STAT4: variants seen among roughly 807,000 people sequenced by gnomAD.
STAT4 encodes signal transducer and activator of transcription 4.
Under a neutral mutation model 110.5 loss-of-function variants are expected in STAT4, and 42 were observed. That is an observed-to-expected ratio of 0.38 (90% CI 0.30 to 0.49). The LOEUF (loss-of-function observed/expected upper bound fraction) is 0.49. STAT4 is among the 20% of genes least tolerant of loss of function. The probability of loss-of-function intolerance (pLI) is 0.95; values close to 1 mark genes in which losing one functional copy is unlikely to be tolerated. For synonymous variants in STAT4, 284 were observed against 302.2 expected, an observed-to-expected ratio of 0.94 and a Z score of 0.63; for missense variants, 632 against 887.9, an observed-to-expected ratio of 0.71 and a Z score of 3.66.
Position 191,030,802 on chromosome 2 carries a change from T to C in STAT4, c.2220+170A>G. 1 of 583,494 alleles carries C rather than the reference T, an allele frequency of 1.7e-6. No individual in the cohort carries two copies. 36.1% of individuals were successfully genotyped at this position (583,494 alleles called of 1,614,324 possible). On this transcript the variant is annotated intron_variant, in intron 23 of 23. Transcript: ENST00000392320. The surrounding 1 kb of genome is among the most constrained non-coding windows in gnomAD (Gnocchi z 4.4). The stretch of plus-strand genomic sequence containing the variant: ...GTGTCTGCTTTCAATACGCATAATA[T>C]CAGCAACACGCAGGACCATCCAGAC...
chr2:191,121,818 A>T (rs1475020054), intron 3 of STAT4: 2 of 151,404 alleles, frequency 1.3e-5, no homozygotes, highest in Non-Finnish European at 2.9e-5. Context: ...TAGGAGATAT[A>T]CCTAATGTAA....
chr2:191,113,205 C>G lies in STAT4; in HGVS notation c.273+33408G>C, dbSNP rs1228142473. Among the ~76,000 whole-genome samples the G allele has an allele frequency of 6.6e-6, 1 of 152,244 alleles. No individual in the cohort carries two copies. Among genetic ancestry groups the G allele is most frequent in the Non-Finnish European group, 1.5e-5 (1 of 68,036 alleles). ...GTGCTGGCAGACATTACTGGTGCCA[C>G]TCATTCATTTGTTCCACAAATTTGT... On this transcript the variant is annotated intron_variant, in intron 3 of 23. Coordinates refer to ENST00000392320, the MANE Select transcript of STAT4 (RefSeq NM_003151.4). The surrounding 1 kb of genome is among the most constrained non-coding windows in gnomAD (Gnocchi z 4.8).
intron 3 of STAT4, among the ~76,000 whole-genome samples, chr2:191,126,605 AT>A (rs553624680): frequency 2.7e-5 from 4 of 150,436 alleles, no homozygotes; most frequent in South Asian, 2.1e-4. Context: ...TAGAAATCTC[AT>A]TTTTTTTTCC....
chr2:191,118,957 G>T (rs1486768403), intron 3 of STAT4, among the ~76,000 whole-genome samples: 1 of 152,046 alleles, frequency 6.6e-6, no homozygotes, highest in East Asian at 1.9e-4. Flanking sequence ...GGAAATATGA[G>T]GTATCACTAT....
At chr2:191,087,320 C>T (rs560639562) in intron 3 of STAT4, among the ~76,000 whole-genome samples, 13 of 152,076 alleles carry the variant, frequency 8.5e-5, no homozygotes, top group South Asian at 8.3e-4. Flanking sequence ...ATGCGTGAAA[C>T]CTGTTTTAAG....
At chr2:191,095,323 C>A (rs907199983) in intron 3 of STAT4, among the ~76,000 whole-genome samples, 1 of 152,164 alleles carries the variant, frequency 6.6e-6, no homozygotes, top group African/African-American at 2.4e-5. Context: ...CTTCTCAGCA[C>A]CACATCGCAC....
At position 191,076,373 on chromosome 2, in the gene STAT4, A is replaced by G. The variant is rs762963253; in HGVS notation, c.274-48T>C. ...AAAATAACTAACGTAAAGCTTAAATATATGTATCATAAGAAAATATCACCT... is the reference window on the plus strand; with the variant it reads ...AAAATAACTAACGTAAAGCTTAAATGTATGTATCATAAGAAAATATCACCT... On this transcript the variant is annotated intron_variant, in intron 3 of 23. Coordinates refer to ENST00000392320, the MANE Select transcript of STAT4 (RefSeq NM_003151.4). 6.8e-6 allele frequency: 9 copies of G among 1,331,602 alleles called. No homozygotes were observed. In the South Asian group the frequency reaches 8.8e-5, roughly 13 times the overall value. 82.5% of individuals were successfully genotyped at this position (1,331,602 alleles called of 1,614,324 possible).
In STAT4 at chr2:191,116,584, T is replaced by G. The variant is rs977711742; in HGVS notation, c.273+30029A>C. ...TGAAATTTAGACAAAGGTGGCATGC[T>G]TTGGGAACAGTCCATCCCACTTAAC... On this transcript the variant is annotated intron_variant, in intron 3 of 23. Coordinates refer to ENST00000392320, the MANE Select transcript of STAT4 (RefSeq NM_003151.4). The surrounding 1 kb of genome is among the most constrained non-coding windows in gnomAD (Gnocchi z 4.1). Among the ~76,000 whole-genome samples, 3 of 152,188 alleles carry G rather than the reference T, an allele frequency of 2.0e-5. No homozygotes were observed. The highest frequency in any genetic ancestry group is 7.2e-5 in the African/African-American group (3 of 41,448).
chr2:191,038,456 G>A (rs952472523), intron 16 of STAT4, among the ~76,000 whole-genome samples: 15 of 152,160 alleles, frequency 9.9e-5, no homozygotes, highest in Non-Finnish European at 1.2e-4. Flanking sequence ...TCTTCCCTTT[G>A]GAGGGAACAT....
rs912282649 is a variant in STAT4, at chr2:191,077,407, C to A, written c.274-1082G>T. Among the ~76,000 whole-genome samples the A allele has an allele frequency of 2.6e-5, 4 of 152,138 alleles. No individual in the cohort carries two copies. The highest frequency in any genetic ancestry group is 9.7e-5 in the African/African-American group (4 of 41,446). On this transcript the variant is annotated intron_variant, in intron 3 of 23. Coordinates refer to ENST00000392320, the MANE Select transcript of STAT4 (RefSeq NM_003151.4). The surrounding 1 kb of genome is among the most constrained non-coding windows in gnomAD (Gnocchi z 4.1). Reference sequence around the variant, plus strand: ...CAATTTAGTCAATAGTATTAAATTTCTTTGTTACTGGACTTTTTCCAGGGC... The same window carrying A: ...CAATTTAGTCAATAGTATTAAATTTATTTGTTACTGGACTTTTTCCAGGGC...
Position 191,064,828 on chromosome 2 carries a change from C to G in STAT4, c.761G>C (p.Gly254Ala). ...TTACCAGTTCTGAAGCTGGTCGAGC[C>G]CATTGTGGAGTGGACCCCCGATGCA... Reference protein sequence around the residue: ...IACIGGPLHNGLDQLQNCFTL... With the variant: ...IACIGGPLHNALDQLQNCFTL... The change falls in exon 8 of 24, where the codon GGG (glycine) becomes GCG (alanine). Residue 254 changes from glycine (G) to alanine (A), a missense_variant. This residue lies in a region of STAT4 where 488 missense variants were observed against 632.8 expected (regional missense o/e 0.77). Coordinates refer to ENST00000392320, the MANE Select transcript of STAT4 (RefSeq NM_003151.4). 6.2e-7 allele frequency: 1 copy of G among 1,612,514 alleles called. No homozygotes were observed. Among genetic ancestry groups the G allele is most frequent in the Non-Finnish European group, 8.5e-7 (1 of 1,179,356 alleles).
Position 191,033,289 on chromosome 2 carries a change from TG to T in STAT4, c.1853-141del. 8.7e-7 allele frequency: 1 copy of T among 1,144,176 alleles called. No individual in the cohort carries two copies. Among genetic ancestry groups the T allele is most frequent in the Non-Finnish European group, 1.2e-6 (1 of 816,474 alleles). 70.9% of individuals were successfully genotyped at this position (1,144,176 alleles called of 1,614,324 possible). A position where few individuals can be genotyped will look rare whatever the true frequency, so the allele number is the denominator to read the frequency against. On this transcript the variant is annotated intron_variant, in intron 20 of 23. Coordinates refer to ENST00000392320, the MANE Select transcript of STAT4 (RefSeq NM_003151.4). This position sits in a 1 kb window ranked among gnomAD's most constrained non-coding sequence, Gnocchi z 6.9. ...CTTCAATGTCAGACCTTCTGCTGTC[TG>T]GACAGTATAGATTGTGCATACGATA...
At position 191,031,100 on chromosome 2, in the gene STAT4, C is replaced by T. The variant is rs764452856; in HGVS notation, c.2112-20G>A. The T allele has an allele frequency of 6.2e-7, 1 of 1,607,428 alleles. No individual in the cohort carries two copies. Among genetic ancestry groups the T allele is most frequent in the Non-Finnish European group, 8.5e-7 (1 of 1,174,182 alleles). ...CTTCGGCTTAAAGAGATAACAAGGTCAATATGGACAAGGATTAAAAAATAA... is the reference window on the plus strand; with the variant it reads ...CTTCGGCTTAAAGAGATAACAAGGTTAATATGGACAAGGATTAAAAAATAA... On this transcript the variant is annotated intron_variant, in intron 22 of 23. Coordinates refer to ENST00000392320, the MANE Select transcript of STAT4 (RefSeq NM_003151.4). The surrounding 1 kb of genome is among the most constrained non-coding windows in gnomAD (Gnocchi z 4.8).
intron 3 of STAT4, among the ~76,000 whole-genome samples, chr2:191,080,480 C>T (rs747368343): frequency 2.0e-5 from 3 of 152,064 alleles, no homozygotes; most frequent in Non-Finnish European, 4.4e-5. Context: ...AGAGTGTGCA[C>T]AATTATTGTC....
rs543863215 is a variant in STAT4, at chr2:191,142,780, A to G, written c.273+3833T>C. ...ATTATCACATGGGAGAAAAATCCAG[A>G]GAGTGAAAAGATCGGTAGTGTTCAG... On this transcript the variant is annotated intron_variant, in intron 3 of 23. Transcript: ENST00000392320. The surrounding 1 kb of genome is among the most constrained non-coding windows in gnomAD (Gnocchi z 4.1). Among the ~76,000 whole-genome samples the G allele has an allele frequency of 6.6e-6, 1 of 152,304 alleles. No individual in the cohort carries two copies. The highest frequency in any genetic ancestry group is 2.4e-5 in the African/African-American group (1 of 41,566).
Position 191,062,660 on chromosome 2 carries a change from G to A in STAT4, c.941+102C>T. 2 of 1,315,198 alleles carry A rather than the reference G, an allele frequency of 1.5e-6. No homozygotes were observed. 81.5% of individuals were successfully genotyped at this position (1,315,198 alleles called of 1,614,324 possible). A position where few individuals can be genotyped will look rare whatever the true frequency, so the allele number is the denominator to read the frequency against. ...TATTCACTTCTCCCTGAGGCTCGTT[G>A]TTGAATACTTCCCTGCCACTCTTCC... On this transcript the variant is annotated intron_variant, in intron 9 of 23. Coordinates refer to ENST00000392320, the MANE Select transcript of STAT4 (RefSeq NM_003151.4). The surrounding 1 kb of genome is among the most constrained non-coding windows in gnomAD (Gnocchi z 4.9).
In STAT4 at chr2:191,106,822, C is replaced by T. The variant is rs548792559; in HGVS notation, c.274-30497G>A. ...AAGACTGCACAATCCTGTAAAAGTG[C>T]GACCTATTAGAATTAGGGCAGATCC... On this transcript the variant is annotated intron_variant, in intron 3 of 23. Coordinates refer to ENST00000392320, the MANE Select transcript of STAT4 (RefSeq NM_003151.4). 6.6e-5 allele frequency among the ~76,000 whole-genome samples: 10 copies of T among 152,156 alleles called. No individual in the cohort carries two copies. In the South Asian group the frequency reaches 1.9e-3, roughly 28 times the overall value.
Position 191,046,343 on chromosome 2 carries a change from G to T in STAT4, c.1252-5195C>A, listed in dbSNP as rs1696352436. On this transcript the variant is annotated intron_variant, in intron 14 of 23. Coordinates refer to ENST00000392320, the MANE Select transcript of STAT4 (RefSeq NM_003151.4). This position sits in a 1 kb window ranked among gnomAD's most constrained non-coding sequence, Gnocchi z 4.6. ...AAGTCTTACTGGAACATGGTGGCAT[G>T]GGTAAAGATAGCACAGCCATCTTGA... 6.6e-6 allele frequency among the ~76,000 whole-genome samples: 1 copy of T among 152,204 alleles called. No individual in the cohort carries two copies. Among genetic ancestry groups the T allele is most frequent in the African/African-American group, 2.4e-5 (1 of 41,440 alleles).
intron 3 of STAT4, among the ~76,000 whole-genome samples, chr2:191,122,884 A>G (rs961442711): frequency 6.6e-6 from 1 of 152,226 alleles, no homozygotes; most frequent in African/African-American, 2.4e-5. Flanking sequence ...AGAGACTTCT[A>G]CATCTGGAAC....
Sources: allele counts gnomAD v4.1 joint callset (sites outside exome capture counted in the v4.1 genomes callset), GRCh38; gene constraint gnomAD v4.1.1; regional missense constraint gnomAD v4.1.1; non-coding constraint Gnocchi (gnomAD v3.1); transcripts MANE v1.5; gene names NCBI Gene and HGNC (gene_info 2026-07-23, HGNC 2026-07-21).